Variants in WRNIP1 observed in about 807,000 individuals in gnomAD.
WRNIP1 encodes WRN helicase interacting protein 1.
In WRNIP1, 41 loss-of-function variants were observed where a neutral mutation model predicts 56.1. The observed-to-expected ratio is 0.73, with a 90% CI of 0.57 to 0.95. The LOEUF (loss-of-function observed/expected upper bound fraction) is 0.95. Ranked by LOEUF, WRNIP1 falls within the 40% of genes least tolerant of loss-of-function variation. The pLI is 0.00. For missense variants in WRNIP1, 1,170 were observed against 939.4 expected, an observed-to-expected ratio of 1.25 and a Z score of -3.21; for synonymous variants, 547 against 398.1, an observed-to-expected ratio of 1.37 and a Z score of -4.45.
At position 2,783,653 on chromosome 6, in the gene WRNIP1, T is replaced by TTTGGG; in HGVS notation, c.1642+92_1642+93insTTGGG. ...TCGTGGCTTTTTTTTTTTTTTTTTTTGCAGGGCGGGGTGGGCGGGGGTAGC... is the reference window on the plus strand; with the variant it reads ...TCGTGGCTTTTTTTTTTTTTTTTTTTTTGGGGCAGGGCGGGGTGGGCGGGGGTAGC... On this transcript the variant is annotated intron_variant, in intron 5 of 6. Coordinates refer to ENST00000380773, the MANE Select transcript of WRNIP1 (RefSeq NM_020135.3). 1.1e-4 allele frequency: 13 copies of TTTGGG among 120,082 alleles called. 1 individual carries two copies. The highest frequency in any genetic ancestry group is 2.9e-4 in the South Asian group (1 of 3,490). The allele number at this position is 120,082 out of a possible 1,614,324, so 7.4% of individuals were successfully genotyped here.
chr6:2,777,255 T>C (rs1039973135), intron 3 of WRNIP1, among the ~76,000 whole-genome samples: 1 of 152,218 alleles, frequency 6.6e-6, no homozygotes, highest in Non-Finnish European at 1.5e-5. Flanking sequence ...TTTGCAAATA[T>C]TGGATGCCTA....
At chr6:2,783,978 C>T (rs971539556) in intron 5 of WRNIP1, among the ~76,000 whole-genome samples, 5 of 152,110 alleles carry the variant, frequency 3.3e-5, no homozygotes, top group African/African-American at 1.2e-4. Flanking sequence ...GGAAAGCTCT[C>T]CTCTTCTTTG....
chr6:2,773,139 CAT>C (rs1315320212), intron 3 of WRNIP1: 2 of 985,270 alleles, frequency 2.0e-6, no homozygotes, highest in African/African-American at 3.5e-5. Flanking sequence ...ACAGTATACT[CAT>C]GTAAGTGATA....
chr6:2,785,332 A>C lies in WRNIP1; in HGVS notation c.*50A>C. On this transcript the variant is annotated 3_prime_UTR_variant, in exon 7 of 7. Transcript: ENST00000380773. Reference sequence around the variant, plus strand: ...GATGTTGCTTTTTTAAGGGAGGGCCAGAAAGAAAGTTAGTGGATTGCAAAG... The same window carrying C: ...GATGTTGCTTTTTTAAGGGAGGGCCCGAAAGAAAGTTAGTGGATTGCAAAG... 1.3e-6 allele frequency: 2 copies of C among 1,586,016 alleles called. No individual in the cohort carries two copies. Among genetic ancestry groups the C allele is most frequent in the South Asian group, 2.3e-5 (2 of 88,650 alleles).
chr6:2,765,401 C>G lies in WRNIP1; in HGVS notation c.-222C>G. 2.4e-6 allele frequency: 1 copy of G among 417,022 alleles called. No homozygotes were observed. Among genetic ancestry groups the G allele is most frequent in the Non-Finnish European group, 3.8e-6 (1 of 263,646 alleles). The allele number at this position is 417,022 out of a possible 1,614,324, so 25.8% of individuals were successfully genotyped here. ...GCAAACGGCCACGAACTACACTTCC[C>G]GACACGCCGCGTGAGGCGCTGCCAG... On this transcript the variant is annotated 5_prime_UTR_variant, in exon 1 of 7. Transcript: ENST00000380773.
At chr6:2,766,969 C>T (rs566806922) in intron 1 of WRNIP1, among the ~76,000 whole-genome samples, 3 of 152,142 alleles carry the variant, frequency 2.0e-5, no homozygotes, top group Admixed American at 1.3e-4. Context: ...ATTTAACATT[C>T]TTATATTCTT....
chr6:2,765,788 C>G lies in WRNIP1; in HGVS notation c.166C>G (p.Arg56Gly), dbSNP rs1397129749. Residue 56 changes from arginine to glycine, a missense_variant, in exon 1 of 7, where the codon CGC (arginine) becomes GGC (glycine). Physicochemically the swap from Arg to Gly is moderately radical, Grantham distance 125. Coordinates refer to ENST00000380773, the MANE Select transcript of WRNIP1 (RefSeq NM_020135.3). ...GHAEPAAGSH[R>G]AGERAKGPSP... ...CGCGGAGCCCGCGGCCGGGTCGCACCGCGCCGGGGAGCGGGCCAAGGGGCC... is the reference window on the plus strand; with the variant it reads ...CGCGGAGCCCGCGGCCGGGTCGCACGGCGCCGGGGAGCGGGCCAAGGGGCC... 7.0e-7 allele frequency: 1 copy of G among 1,421,372 alleles called. No homozygotes were observed. The highest frequency in any genetic ancestry group is 9.2e-7 in the Non-Finnish European group (1 of 1,088,366). The allele number at this position is 1,421,372 out of a possible 1,614,324, so 88.0% of individuals were successfully genotyped here. A position where few individuals can be genotyped will look rare whatever the true frequency, so the allele number is the denominator to read the frequency against.
chr6:2,774,010 A>C lies in WRNIP1; in HGVS notation c.1256+3649A>C. 3 of 985,368 alleles carry C rather than the reference A, an allele frequency of 3.0e-6. No homozygotes were observed. The South Asian group carries it at 1.4e-4, about 46-fold the overall frequency. 61.0% of individuals were successfully genotyped at this position (985,368 alleles called of 1,614,324 possible). A position where few individuals can be genotyped will look rare whatever the true frequency, so the allele number is the denominator to read the frequency against. ...TGGCCCCCAAACAAGGTGGCTATGGATTCTTCTTTTTATAAAAGTTTAAAG... is the reference window on the plus strand; with the variant it reads ...TGGCCCCCAAACAAGGTGGCTATGGCTTCTTCTTTTTATAAAAGTTTAAAG... On this transcript the variant is annotated intron_variant, in intron 3 of 6. Transcript: ENST00000380773.
rs537321850 is a variant in WRNIP1 at position 2,771,801 on chromosome 6, C to T, written c.1256+1440C>T. On this transcript the variant is annotated intron_variant, in intron 3 of 6. Coordinates refer to ENST00000380773, the MANE Select transcript of WRNIP1 (RefSeq NM_020135.3). ...CCCGTAACAGAATTCTCATTACAGA[C>T]GCATAGAACCACATGGTAAAGACAA... Among the ~76,000 whole-genome samples, 8 of 152,218 alleles carry T rather than the reference C, an allele frequency of 5.3e-5. No individual in the cohort carries two copies. The South Asian group carries it at 1.0e-3, about 20-fold the overall frequency.
intron 3 of WRNIP1, chr6:2,774,183 T>TAA (rs1298617502): frequency 2.0e-6 from 2 of 985,258 alleles, no homozygotes; most frequent in Non-Finnish European, 2.4e-6. Context: ...TACAGTACAT[T>TAA]AACATAGCTG....
chr6:2,775,916 C>T (rs529282313), intron 3 of WRNIP1, among the ~76,000 whole-genome samples: 5 of 152,292 alleles, frequency 3.3e-5, no homozygotes, highest in African/African-American at 1.2e-4. Flanking sequence ...ACATTTTGGG[C>T]AGTCTATCCC....
Position 2,785,540 on chromosome 6 carries a change from A to G in WRNIP1, c.*258A>G, listed in dbSNP as rs2113489973. 6.3e-6 allele frequency: 3 copies of G among 479,362 alleles called. No individual in the cohort carries two copies. The South Asian group carries it at 9.6e-5, about 15-fold the overall frequency. The allele number at this position is 479,362 out of a possible 1,614,324, so 29.7% of individuals were successfully genotyped here. The stretch of plus-strand genomic sequence containing the variant: ...GCTTTGTGCAATGAATTAATGTTAT[A>G]AGGAATTATCTATTTTGTCATAGTA... On this transcript the variant is annotated 3_prime_UTR_variant, in exon 7 of 7. Coordinates refer to ENST00000380773, the MANE Select transcript of WRNIP1 (RefSeq NM_020135.3).
chr6:2,773,776 T>A (rs1388188929), intron 3 of WRNIP1: 1 of 983,600 alleles, frequency 1.0e-6, no homozygotes, highest in Non-Finnish European at 1.2e-6. Context: ...TCCTAAAGAA[T>A]CAATTATTTG....
intron 6 of WRNIP1, 22 bp from the exon 7 acceptor site, chr6:2,784,985 G>C (rs753032213): frequency 6.2e-7 from 1 of 1,611,590 alleles, no homozygotes. Context: ...CTAGTAAAAT[G>C]TGTCCTCTGT....
At chr6:2,781,697 G>A (rs167555) in intron 4 of WRNIP1, among the ~76,000 whole-genome samples, 78,668 of 152,150 alleles carry the variant, frequency 0.52, 21,521 homozygotes, top group East Asian at 0.76. Flanking sequence ...GAAGTCGTCA[G>A]ATTTCAGGTT....
In WRNIP1 at chr6:2,783,444, T is replaced by C; in HGVS notation, c.1525T>C (p.Ser509Pro). ...HYNCISALHK[S>P]MRGSDQNASL... ...CAACTGCATCTCCGCCCTGCACAAG[T>C]CCATGCGGGGCTCAGACCAGAACGC... The change falls in exon 5 of 7, where the codon TCC becomes CCC. Residue 509 changes from serine (S) to proline (P), a missense_variant. By Grantham distance (74) the Ser-to-Pro change is moderately conservative (BLOSUM62 -1). Transcript: ENST00000380773. The C allele has an allele frequency of 6.2e-7, 1 of 1,613,138 alleles. No homozygotes were observed. The highest frequency in any genetic ancestry group is 8.5e-7 in the Non-Finnish European group (1 of 1,179,528).
Position 2,785,116 on chromosome 6 carries a change from TGCCCCCC to T in WRNIP1, c.1834_1840del (p.Pro612CysfsTer5). On this transcript the variant is annotated frameshift_variant, in exon 7 of 7. Coordinates refer to ENST00000380773, the MANE Select transcript of WRNIP1 (RefSeq NM_020135.3). LOFTEE classifies it high-confidence loss of function. Reference sequence around the variant, plus strand: ...TGCCTGAGGAACCACCAGGGGCCACTGCCCCCCGTGCCCCTGCACCTGAGGAACGCGC... The same window carrying T: ...TGCCTGAGGAACCACCAGGGGCCACTGTGCCCCTGCACCTGAGGAACGCGC... The T allele has an allele frequency of 6.2e-7, 1 of 1,614,206 alleles. No homozygotes were observed. The highest frequency in any genetic ancestry group is 8.5e-7 in the Non-Finnish European group (1 of 1,180,034).
In WRNIP1 at chr6:2,766,388, C is replaced by CT. The variant is rs1764988206; in HGVS notation, c.767dup (p.Glu257GlyfsTer33). On this transcript the variant is annotated frameshift_variant, in exon 1 of 7. Coordinates refer to ENST00000380773, the MANE Select transcript of WRNIP1 (RefSeq NM_020135.3). LOFTEE classifies it high-confidence loss of function. Reference sequence around the variant, plus strand: ...CCAGGATACCCTGCTGCGCTCGCTCCTGGAGACCAACGAAATCCCCTCGCT... The same window carrying CT: ...CCAGGATACCCTGCTGCGCTCGCTCCTTGGAGACCAACGAAATCCCCTCGCT... 2 of 1,607,758 alleles carry CT rather than the reference C, an allele frequency of 1.2e-6. No individual in the cohort carries two copies. Among genetic ancestry groups the CT allele is most frequent in the African/African-American group, 2.7e-5 (2 of 74,848 alleles).
chr6:2,774,669 C>G (rs1407582804), intron 3 of WRNIP1, among the ~76,000 whole-genome samples: 1 of 152,218 alleles, frequency 6.6e-6, no homozygotes, highest in East Asian at 1.9e-4. Flanking sequence ...GGTCACTATT[C>G]AACCCACTAC....
Sources: allele counts gnomAD v4.1 joint callset (sites outside exome capture counted in the v4.1 genomes callset), GRCh38; gene constraint gnomAD v4.1.1; transcripts MANE v1.5; gene names NCBI Gene and HGNC (gene_info 2026-07-23, HGNC 2026-07-21).